FAM117B: variants seen among roughly 807,000 people sequenced by gnomAD.
The protein encoded by FAM117B is protein FAM117B.
FAM117B carries 22 observed loss-of-function variants against 52.8 expected under a neutral mutation model. That is an observed-to-expected ratio of 0.42 (90% CI 0.30 to 0.59). FAM117B has a LOEUF of 0.59. FAM117B is among the 20% of genes least tolerant of loss of function. The probability of loss-of-function intolerance (pLI) is 0.22; values close to 1 mark genes in which losing one functional copy is unlikely to be tolerated. For missense variants in FAM117B, 678 were observed against 802.6 expected (o/e 0.84, Z 1.88); for synonymous variants, 309 against 324.1 (o/e 0.95, Z 0.50).
At position 202,710,800 on chromosome 2, in the gene FAM117B, A is replaced by T. The variant is rs191301223; in HGVS notation, c.754-14117A>T. ...TTTTAATTTTGAGCTCCCACAAATGAGAACCTGCAAAGTTTGTCTTTCTCT... is the reference window on the plus strand; with the variant it reads ...TTTTAATTTTGAGCTCCCACAAATGTGAACCTGCAAAGTTTGTCTTTCTCT... On this transcript the variant is annotated intron_variant, in intron 2 of 7. Transcript: ENST00000392238. Among the ~76,000 whole-genome samples, 6 of 152,302 alleles carry T rather than the reference A, an allele frequency of 3.9e-5. No individual in the cohort carries two copies. In the East Asian group the frequency reaches 1.2e-3, roughly 29 times the overall value.
At chr2:202,687,340 G>A (rs1255041301) in intron 1 of FAM117B, among the ~76,000 whole-genome samples, 1 of 152,152 alleles carries the variant, frequency 6.6e-6, no homozygotes, top group African/African-American at 2.4e-5. Context: ...AGGGCTTATG[G>A]CAGTGTTCTA....
At chr2:202,668,195 T>G (rs1324076714) in intron 1 of FAM117B, among the ~76,000 whole-genome samples, 1 of 144,062 alleles carries the variant, frequency 6.9e-6, no homozygotes, top group Non-Finnish European at 1.5e-5. Context: ...ATAATATATA[T>G]TTATATATTT....
chr2:202,665,867 C>T (rs1174375990), intron 1 of FAM117B, among the ~76,000 whole-genome samples: 4 of 152,170 alleles, frequency 2.6e-5, no homozygotes, highest in African/African-American at 9.7e-5. Context: ...TCCCAAAGTG[C>T]TGGGATTACA....
intron 1 of FAM117B, among the ~76,000 whole-genome samples, chr2:202,646,617 G>A (rs1356707670): frequency 6.6e-6 from 1 of 152,132 alleles, no homozygotes; most frequent in African/African-American, 2.4e-5. Context: ...CCAGGCATTT[G>A]TCACCAGGAA....
chr2:202,755,654 G>A lies in FAM117B; in HGVS notation c.1077G>A (p.Glu359=). 3 of 1,613,668 alleles carry A rather than the reference G, an allele frequency of 1.9e-6. No individual in the cohort carries two copies. Among genetic ancestry groups the A allele is most frequent in the Non-Finnish European group, 2.5e-6 (3 of 1,179,824 alleles). Residue 359 remains glutamate, a synonymous_variant, in exon 5 of 8, where the codon GAG becomes GAA. Transcript: ENST00000392238. The stretch of plus-strand genomic sequence containing the variant: ...AGGAGATTGAAATAATAATTAAAGA[G>A]ACTGGGGAAAAGGAAGAGCAACTTA... ...LNQEIEIIIK[E]TGEKEEQLIP... is the part of the protein sequence containing the mutation.
At chr2:202,699,902 A>G (rs1690771895) in intron 2 of FAM117B, among the ~76,000 whole-genome samples, 3 of 152,156 alleles carry the variant, frequency 2.0e-5, no homozygotes, top group Non-Finnish European at 2.9e-5. Context: ...AGTTCTTGCA[A>G]TATTTCAGCC....
chr2:202,701,143 G>A (rs1273915016), intron 2 of FAM117B, among the ~76,000 whole-genome samples: 2 of 152,200 alleles, frequency 1.3e-5, no homozygotes, highest in Non-Finnish European at 2.9e-5. Flanking sequence ...TTAAGTTGAA[G>A]CCAGTACTCA....
intron 2 of FAM117B, among the ~76,000 whole-genome samples, chr2:202,716,069 G>A (rs1026431850): frequency 9.2e-5 from 14 of 152,148 alleles, no homozygotes; most frequent in Admixed American, 2.6e-4. Flanking sequence ...GAGGGAGACC[G>A]TGGAAAGGGG....
rs562434974 is a variant in FAM117B, at chr2:202,753,965, T to C, written c.961-1573T>C. 4.9e-4 allele frequency among the ~76,000 whole-genome samples: 75 copies of C among 152,322 alleles called. 1 individual carries two copies. Among genetic ancestry groups the C allele is most frequent in the Non-Finnish European group, 8.4e-4 (57 of 68,030 alleles). ...AGTTCAACGATTATGGAAGACAGTA[T>C]GGCAATTCCTCAAGGATCTAGAACC... On this transcript the variant is annotated intron_variant, in intron 4 of 7. Coordinates refer to ENST00000392238, the MANE Select transcript of FAM117B (RefSeq NM_173511.4).
intron 2 of FAM117B, among the ~76,000 whole-genome samples, chr2:202,712,419 C>CTTTTTT (rs1186703318): frequency 2.0e-3 from 182 of 89,386 alleles, no homozygotes; most frequent in African/African-American, 6.0e-3. Flanking sequence ...TATCAGCTCT[C>CTTTTTT]TTTTTTTTTT....
chr2:202,757,105 T>A (rs1691810908), intron 5 of FAM117B, 108 bp from the exon 6 acceptor site: 6 of 1,110,120 alleles, frequency 5.4e-6, no homozygotes, highest in Non-Finnish European at 7.7e-6. Flanking sequence ...GGAAGGGATT[T>A]CTGATTTGTG....
At chr2:202,691,938 AC>A (rs1369955412) in intron 1 of FAM117B, among the ~76,000 whole-genome samples, 2 of 152,206 alleles carry the variant, frequency 1.3e-5, no homozygotes, top group Non-Finnish European at 2.9e-5. Flanking sequence ...TATAACAATT[AC>A]GTATTAGTGA....
At chr2:202,675,444 T>TAAAAAAAAAAAA (rs1361033106) in intron 1 of FAM117B, among the ~76,000 whole-genome samples, 3 of 4,590 alleles carry the variant, frequency 6.5e-4, no homozygotes, top group Admixed American at 2.1e-3. Context: ...AGACCTTATC[T>TAAAAAAAAAAAA]CAAAAAAAAA....
chr2:202,731,354 T>C (rs1428912041), intron 4 of FAM117B, among the ~76,000 whole-genome samples: 1 of 131,928 alleles, frequency 7.6e-6, no homozygotes, highest in African/African-American at 2.7e-5. Flanking sequence ...TATATATATA[T>C]ATATATATAT....
At chr2:202,698,199 C>G (rs983222405) in intron 2 of FAM117B, among the ~76,000 whole-genome samples, 2 of 152,122 alleles carry the variant, frequency 1.3e-5, no homozygotes. Context: ...CGAGTAAACA[C>G]TTTTCTGTGA....
chr2:202,710,324 T>C (rs2105781889), intron 2 of FAM117B, among the ~76,000 whole-genome samples: 1 of 152,292 alleles, frequency 6.6e-6, no homozygotes, highest in Admixed American at 6.5e-5. Flanking sequence ...TTTCTGTATA[T>C]AAGTCTTTCA....
chr2:202,676,055 A>C (rs548805248), intron 1 of FAM117B, among the ~76,000 whole-genome samples: 1 of 151,528 alleles, frequency 6.6e-6, no homozygotes, highest in East Asian at 1.9e-4. Context: ...GGTTACTGAA[A>C]GATTGTCACT....
chr2:202,715,305 A>ACC (rs1248533687), intron 2 of FAM117B, among the ~76,000 whole-genome samples: 1 of 131,746 alleles, frequency 7.6e-6, no homozygotes, highest in African/African-American at 3.0e-5. Flanking sequence ...GCGGGGGCTG[A>ACC]CCCCCACCTC....
At chr2:202,642,146 G>T (rs1366757593) in intron 1 of FAM117B, among the ~76,000 whole-genome samples, 25 of 144,018 alleles carry the variant, frequency 1.7e-4, no homozygotes, top group African/African-American at 5.9e-4. Flanking sequence ...GTAGAGACGG[G>T]ATTTCACCAT....
Sources: gnomAD v4.1 joint callset for allele counts (sites outside exome capture counted in the v4.1 genomes callset) on GRCh38, gnomAD v4.1.1 for gene constraint, MANE v1.5 for transcripts, NCBI Gene and HGNC (gene_info 2026-07-23, HGNC 2026-07-21) for gene names.